Variants in C1GALT1 observed in about 807,000 individuals in gnomAD.
C1GALT1 encodes core 1 synthase, glycoprotein-N-acetylgalactosamine 3-beta-galactosyltransferase 1, also known as glycoprotein-N-acetylgalactosamine 3-beta-galactosyltransferase 1.
C1GALT1 carries 11 observed loss-of-function variants against 31.0 expected under a neutral mutation model. The observed-to-expected ratio is 0.36, with a 90% CI of 0.22 to 0.59. The LOEUF is 0.59. Among genes scored for constraint, C1GALT1 ranks in the 20% least tolerant of loss-of-function variants. The probability of loss-of-function intolerance (pLI) is 0.79; values close to 1 mark genes in which losing one functional copy is unlikely to be tolerated. For synonymous variants in C1GALT1, 175 were observed against 143.6 expected (o/e 1.22, Z -1.56); for missense variants, 424 against 425.2 (o/e 1.00, Z 0.03).
chr7:7,239,048 T>C (rs780214509), intron 3 of C1GALT1, 126 bp downstream of exon 3: 40 of 761,094 alleles, frequency 5.3e-5, no homozygotes, highest in Non-Finnish European at 7.0e-5. Flanking sequence ...TCTTTTTAAA[T>C]AGAGTGGCAG....
At chr7:7,221,697 T>C (rs148135211) in intron 1 of C1GALT1, among the ~76,000 whole-genome samples, 10 of 152,362 alleles carry the variant, frequency 6.6e-5, no homozygotes, top group African/African-American at 2.4e-4. Flanking sequence ...ACAAAGTGGT[T>C]TTTAACTTTC....
At chr7:7,181,005 G>A (rs1284404165), upstream of C1GALT1, among the ~76,000 whole-genome samples, 1 of 152,128 alleles carries the variant, frequency 6.6e-6, no homozygotes, top group Non-Finnish European at 1.5e-5. Context: ...TCCAGGATAA[G>A]GCTGTGGCTG....
At chr7:7,172,835 A>G (rs80259955) in intron 2 of C1GALT1, among the ~76,000 whole-genome samples, 3,664 of 152,306 alleles carry the variant, frequency 0.024, 133 homozygotes, top group African/African-American at 0.083. Context: ...TCCATAATTT[A>G]CATTAGAGTT....
rs1257176940 is a variant in C1GALT1, at chr7:7,238,120, T to C, written c.221-135T>C. 2.3e-6 allele frequency: 2 copies of C among 855,306 alleles called. No homozygotes were observed. Among genetic ancestry groups the C allele is most frequent in the East Asian group, 5.5e-5 (2 of 36,164 alleles). 53.0% of individuals were successfully genotyped at this position (855,306 alleles called of 1,614,324 possible). A position where few individuals can be genotyped will look rare whatever the true frequency, so the allele number is the denominator to read the frequency against. ...TCAGTTCACATTAGGATGAGTTTGCTTTCCTTTGGCTAAATCACTAATAGA... is the reference window on the plus strand; with the variant it reads ...TCAGTTCACATTAGGATGAGTTTGCCTTCCTTTGGCTAAATCACTAATAGA... On this transcript the variant is annotated intron_variant, in intron 2 of 3. Transcript: ENST00000436587. The surrounding 1 kb of genome is among the most constrained non-coding windows in gnomAD (Gnocchi z 5.2).
chr7:7,181,192 A>G (rs1041897431), upstream of C1GALT1, among the ~76,000 whole-genome samples: 10 of 109,112 alleles, frequency 9.2e-5, no homozygotes, highest in Non-Finnish European at 1.4e-4. Context: ...ATGGCAAGAC[A>G]TTGCGGAAAG....
intron 2 of C1GALT1, among the ~76,000 whole-genome samples, chr7:7,169,294 T>C (rs891176284): frequency 6.6e-6 from 1 of 152,214 alleles, no homozygotes; most frequent in Non-Finnish European, 1.5e-5. Context: ...CTTTTGGCTA[T>C]TATGAAGAAG....
chr7:7,234,280 C>T (rs1427369663), intron 1 of C1GALT1, 23 bp from the exon 2 acceptor site: 11 of 1,550,080 alleles, frequency 7.1e-6, no homozygotes, highest in South Asian at 2.3e-5. Flanking sequence ...TTTATAACAT[C>T]CTGCTAATTT....
At chr7:7,188,993 C>T (rs1433680523) in intron 1 of C1GALT1, among the ~76,000 whole-genome samples, 5 of 152,096 alleles carry the variant, frequency 3.3e-5, no homozygotes, top group African/African-American at 4.8e-5. Context: ...TCTTTTCTGT[C>T]TATGATTTTC....
intron 1 of C1GALT1, among the ~76,000 whole-genome samples, chr7:7,194,384 G>C (rs1359900529): frequency 2.0e-5 from 3 of 152,092 alleles, no homozygotes; most frequent in Non-Finnish European, 2.9e-5. Context: ...TAATTATAAA[G>C]GGACACTGGA....
intron 1 of C1GALT1, among the ~76,000 whole-genome samples, chr7:7,197,366 A>G (rs1438846203): frequency 6.6e-6 from 1 of 151,970 alleles, no homozygotes; most frequent in Non-Finnish European, 1.5e-5. Context: ...GTGTGGTTTT[A>G]TTACCGAGGG....
chr7:7,183,492 A>G (rs1780680569), intron 1 of C1GALT1: 1 of 660,140 alleles, frequency 1.5e-6, no homozygotes, highest in African/African-American at 2.0e-5. Context: ...GGAGGAAGAA[A>G]GGCATTAAAT....
rs184415196 is a variant in C1GALT1 at position 7,208,683 on chromosome 7, A to T, written c.-17-25620A>T. On this transcript the variant is annotated intron_variant, in intron 1 of 3. Coordinates refer to ENST00000436587, the MANE Select transcript of C1GALT1 (RefSeq NM_020156.5). ...ACAATGGCTGCCAGCCCCTGCACCT[A>T]TATCTTCGTGATCAGAAGTAGCAGT... is the stretch of plus-strand genomic sequence containing the variant. Among the ~76,000 whole-genome samples, 455 of 152,328 alleles carry T rather than the reference A, an allele frequency of 3.0e-3. 2 individuals carry two copies. Among genetic ancestry groups the T allele is most frequent in the Non-Finnish European group, 5.1e-3 (349 of 68,020 alleles).
chr7:7,241,100 T>TAC (rs1211420245), intron 3 of C1GALT1, among the ~76,000 whole-genome samples: 54 of 13,584 alleles, frequency 4.0e-3, no homozygotes, highest in African/African-American at 0.037. Flanking sequence ...TGTAATTGTT[T>TAC]ACATATATAT....
intron 1 of C1GALT1, among the ~76,000 whole-genome samples, chr7:7,207,791 T>A (rs12532385): frequency 0.059 from 6,154 of 104,980 alleles, 283 homozygotes; most frequent in African/African-American, 0.18. Context: ...TTTTTCTTTG[T>A]TTTTTTTTTT....
At chr7:7,237,783 G>A (rs184407191) in intron 2 of C1GALT1, among the ~76,000 whole-genome samples, 1 of 152,110 alleles carries the variant, frequency 6.6e-6, no homozygotes, top group Admixed American at 6.5e-5. Context: ...TCAGAAACTC[G>A]TTCAGAGCAG....
chr7:7,203,850 A>G (rs1016593127), intron 1 of C1GALT1, among the ~76,000 whole-genome samples: 2 of 147,176 alleles, frequency 1.4e-5, no homozygotes, highest in African/African-American at 5.1e-5. Flanking sequence ...GCTGTTTGAA[A>G]CTATATTATT....
chr7:7,224,575 C>G (rs1782667922), intron 1 of C1GALT1, among the ~76,000 whole-genome samples: 1 of 151,952 alleles, frequency 6.6e-6, no homozygotes, highest in Non-Finnish European at 1.5e-5. Flanking sequence ...ATGGTTTATG[C>G]TTTTCAAGGA....
At chr7:7,186,137 C>T (rs981072441) in intron 1 of C1GALT1, among the ~76,000 whole-genome samples, 2 of 135,778 alleles carry the variant, frequency 1.5e-5, no homozygotes, top group African/African-American at 5.8e-5. Context: ...GCATGCTAGC[C>T]CAGAACTCTT....
At chr7:7,212,951 AG>A (rs1782073562) in intron 1 of C1GALT1, among the ~76,000 whole-genome samples, 2 of 152,214 alleles carry the variant, frequency 1.3e-5, no homozygotes, top group South Asian at 4.1e-4. Flanking sequence ...TGTTTACAGT[AG>A]TATACCTTAC....
Sources: gnomAD v4.1 joint callset for allele counts (sites outside exome capture counted in the v4.1 genomes callset) on GRCh38, gnomAD v4.1.1 for gene constraint, Gnocchi (gnomAD v3.1) non-coding constraint, MANE v1.5 for transcripts, NCBI Gene and HGNC (gene_info 2026-07-23, HGNC 2026-07-21) for gene names.